The following CSMD3 variants were observed in gnomAD, a reference collection of about 807,000 sequenced individuals.
The protein encoded by CSMD3 is CUB and Sushi multiple domains 3.
CSMD3 carries 177 observed loss-of-function variants against 435.2 expected under a neutral mutation model. The ratio of observed to expected loss-of-function variants is 0.41; its 90% CI spans 0.36 to 0.46. The LOEUF is 0.46. Among genes scored for constraint, CSMD3 ranks in the 20% least tolerant of loss-of-function variants. The pLI is 0.34. For missense variants in CSMD3, 4,265 were observed against 4,504.6 expected (o/e 0.95, Z 1.52); for synonymous variants, 1,656 against 1,520.5 (o/e 1.09, Z -2.07).
intron 4 of CSMD3, among the ~76,000 whole-genome samples, chr8:113,131,405 T>C (rs2091280742): frequency 6.6e-6 from 1 of 152,012 alleles, no homozygotes; most frequent in Non-Finnish European, 1.5e-5. Flanking sequence ...ACTCCACCTC[T>C]AGTCATGGCT....
chr8:112,974,359 G>C (rs559139772), intron 7 of CSMD3, among the ~76,000 whole-genome samples: 1 of 151,786 alleles, frequency 6.6e-6, no homozygotes, highest in African/African-American at 2.4e-5. Flanking sequence ...ATTATTAGTT[G>C]GTTTTACAAT....
intron 35 of CSMD3, among the ~76,000 whole-genome samples, chr8:112,405,863 A>C (rs1429378581): frequency 6.6e-6 from 1 of 152,014 alleles, no homozygotes; most frequent in African/African-American, 2.4e-5. Flanking sequence ...CTTTGCACAA[A>C]CTTTTAAAAA....
At chr8:112,984,565 G>T (rs1303111581) in intron 6 of CSMD3, among the ~76,000 whole-genome samples, 2 of 151,962 alleles carry the variant, frequency 1.3e-5, no homozygotes, top group Non-Finnish European at 2.9e-5. Context: ...CAAATTAGAA[G>T]GTTAATTAGA....
intron 5 of CSMD3, among the ~76,000 whole-genome samples, chr8:113,079,912 T>C (rs6995484): frequency 0.67 from 102,203 of 152,038 alleles, 35,971 homozygotes; most frequent in East Asian, 0.95. Flanking sequence ...CAACTTATAA[T>C]ACATAGCCTT....
chr8:112,678,509 G>A (rs1365798694), intron 16 of CSMD3, among the ~76,000 whole-genome samples: 1 of 152,082 alleles, frequency 6.6e-6, no homozygotes, highest in African/African-American at 2.4e-5. Context: ...AAGCAAATCA[G>A]AGCTGAGAAA....
intron 3 of CSMD3, among the ~76,000 whole-genome samples, chr8:113,239,822 A>G (rs1017060321): frequency 1.3e-5 from 2 of 152,174 alleles, no homozygotes; most frequent in Admixed American, 6.6e-5. Flanking sequence ...GAAAATACAT[A>G]TATCCTCATG....
chr8:112,644,346 C>T (rs902473315), intron 20 of CSMD3, among the ~76,000 whole-genome samples: 4 of 151,856 alleles, frequency 2.6e-5, no homozygotes, highest in Non-Finnish European at 4.4e-5. Flanking sequence ...AGCAGTCCCT[C>T]TTATTAAGCA....
chr8:112,311,021 G>A lies in CSMD3; in HGVS notation c.7842C>T (p.Ser2614=), dbSNP rs2130813137. 1 of 1,614,008 alleles carries A rather than the reference G, an allele frequency of 6.2e-7. No individual in the cohort carries two copies. Among genetic ancestry groups the A allele is most frequent in the Non-Finnish European group, 8.5e-7 (1 of 1,179,984 alleles). The change falls in exon 50 of 71, where the codon TCC becomes TCT. Residue 2614 remains serine, a synonymous_variant. Coordinates refer to ENST00000297405, the MANE Select transcript of CSMD3 (RefSeq NM_198123.2). ...GKSSAVCRKS[S]YGYHAWDAPV... ...GCGCATCCCATGCATGATACCCATA[G>A]GAAGACTTTCTGCACACAGCACTGC...
At chr8:112,516,964 T>A in intron 28 of CSMD3, 70 bp downstream of exon 28, 1 of 1,227,448 alleles carries the variant, frequency 8.1e-7, no homozygotes. Context: ...ATATGGTTCT[T>A]AAGAACAATA....
At chr8:113,005,863 A>G (rs1197806548) in intron 6 of CSMD3, among the ~76,000 whole-genome samples, 1 of 152,012 alleles carries the variant, frequency 6.6e-6, no homozygotes, top group South Asian at 2.1e-4. Context: ...TTAATTTTGT[A>G]TTATCTATTC....
intron 3 of CSMD3, among the ~76,000 whole-genome samples, chr8:113,241,428 C>T (rs1180523826): frequency 3.3e-5 from 5 of 151,824 alleles, no homozygotes; most frequent in African/African-American, 7.3e-5. Context: ...GCTATGCCTA[C>T]GTTGATCTAT....
intron 28 of CSMD3, among the ~76,000 whole-genome samples, chr8:112,507,362 C>A (rs1822640773): frequency 1.3e-5 from 2 of 152,078 alleles, no homozygotes; most frequent in Non-Finnish European, 2.9e-5. Context: ...AGAATAGATT[C>A]TTTAGGGGAT....
At chr8:112,282,021 CAAT>C (rs766303943) in intron 58 of CSMD3, among the ~76,000 whole-genome samples, 1 of 151,958 alleles carries the variant, frequency 6.6e-6, no homozygotes, top group Non-Finnish European at 1.5e-5. Context: ...TATTTGTCAA[CAAT>C]ATGTTAATTT....
At chr8:112,614,333 T>C (rs1490130133) in intron 22 of CSMD3, among the ~76,000 whole-genome samples, 1 of 152,142 alleles carries the variant, frequency 6.6e-6, no homozygotes, top group Non-Finnish European at 1.5e-5. Context: ...TTATGACATA[T>C]ATTCTAGGAT....
chr8:113,381,501 T>C (rs990405494), intron 1 of CSMD3, among the ~76,000 whole-genome samples: 1 of 151,422 alleles, frequency 6.6e-6, no homozygotes. Flanking sequence ...CTCCAAAGCT[T>C]AAACTTCATT....
At chr8:112,634,014 T>C (rs577328848) in intron 22 of CSMD3, among the ~76,000 whole-genome samples, 1 of 152,164 alleles carries the variant, frequency 6.6e-6, no homozygotes, top group Admixed American at 6.6e-5. Context: ...AATTTGGCTA[T>C]TGTTAACCTA....
In CSMD3 at chr8:112,550,739, T is replaced by C. The variant is rs1227183080; in HGVS notation, c.4496A>G (p.Asn1499Ser). The C allele has an allele frequency of 1.2e-6, 2 of 1,605,994 alleles. No individual in the cohort carries two copies. The highest frequency in any genetic ancestry group is 1.7e-6 in the Non-Finnish European group (2 of 1,172,902). Residue 1499 changes from asparagine to serine, a missense_variant, in exon 27 of 71, where the codon AAT becomes AGT. Physicochemically the swap from Asn to Ser is conservative, Grantham distance 46. Transcript: ENST00000297405. Reference sequence around the variant, plus strand: ...CGTGTCAAACTGGATGGTTACTATATTGAGGGTGCTATGAATTCCTTCAGG... The same window carrying C: ...CGTGTCAAACTGGATGGTTACTATACTGAGGGTGCTATGAATTCCTTCAGG... ...LIPEGIHSTL[N>S]IVTIQFDTDF...
intron 11 of CSMD3, among the ~76,000 whole-genome samples, chr8:112,854,147 C>T (rs1234543017): frequency 6.6e-6 from 1 of 152,174 alleles, no homozygotes; most frequent in Admixed American, 6.5e-5. Flanking sequence ...GCCTGTGTAA[C>T]AATTCCCCAA....
At chr8:112,413,435 T>C (rs1355732911) in intron 32 of CSMD3, among the ~76,000 whole-genome samples, 1 of 152,200 alleles carries the variant, frequency 6.6e-6, no homozygotes, top group Admixed American at 6.5e-5. Context: ...TTTGGTCACA[T>C]TCATTTAATA....
Sources: allele counts gnomAD v4.1 joint callset (sites outside exome capture counted in the v4.1 genomes callset), GRCh38; gene constraint gnomAD v4.1.1; transcripts MANE v1.5; gene names NCBI Gene and HGNC (gene_info 2026-07-23, HGNC 2026-07-21).